The following KCTD15 variants were observed in gnomAD, a reference collection of about 807,000 sequenced individuals.
The protein encoded by KCTD15 is BTB/POZ domain-containing protein KCTD15.
A neutral mutation model predicts 27.2 loss-of-function variants in KCTD15; 11 were observed. The observed-to-expected ratio is 0.41, with a 90% CI of 0.25 to 0.67. KCTD15 has a LOEUF of 0.67. Among genes scored for constraint, KCTD15 ranks in the 30% least tolerant of loss-of-function variants. KCTD15 has a pLI of 0.35. For synonymous variants in KCTD15, 163 were observed against 176.0 expected, an observed-to-expected ratio of 0.93 and a Z score of 0.58; for missense variants, 350 against 409.3, an observed-to-expected ratio of 0.86 and a Z score of 1.25.
chr19:33,813,502 C>T lies in KCTD15; in HGVS notation c.*554C>T, dbSNP rs920864209. On this transcript the variant is annotated 3_prime_UTR_variant, in exon 7 of 7. Coordinates refer to ENST00000683859, the MANE Select transcript of KCTD15 (RefSeq NM_001129994.2). Reference sequence around the variant, plus strand: ...GGACCAGCTGCCTGGCATTCAGGCCCAGATGCCTGCAGGGCTGGGGCTCTC... The same window carrying T: ...GGACCAGCTGCCTGGCATTCAGGCCTAGATGCCTGCAGGGCTGGGGCTCTC... 4 of 425,148 alleles carry T rather than the reference C, an allele frequency of 9.4e-6. No homozygotes were observed. Among genetic ancestry groups the T allele is most frequent in the Non-Finnish European group, 1.9e-5 (4 of 212,636 alleles). 26.3% of individuals were successfully genotyped at this position (425,148 alleles called of 1,614,324 possible). A position where few individuals can be genotyped will look rare whatever the true frequency, so the allele number is the denominator to read the frequency against.
At chr19:33,796,316 A>G (rs906143362), upstream of KCTD15, 7 of 149,208 alleles carry the variant, frequency 4.7e-5, no homozygotes, top group Non-Finnish European at 8.9e-5. Flanking sequence ...GCCTGGGCGC[A>G]CCGCTCCCGG....
chr19:33,802,416 T>C (rs1052137466), intron 4 of KCTD15, among the ~76,000 whole-genome samples: 1 of 152,292 alleles, frequency 6.6e-6, no homozygotes, highest in African/African-American at 2.4e-5. Flanking sequence ...AGGATGGTAG[T>C]GCGCAGAGGT....
At position 33,808,693 on chromosome 19, in the gene KCTD15, G is replaced by A. The variant is rs143884203; in HGVS notation, c.387+1686G>A. ...GCAAATTGGGAAGATCTCTCTGGCT[G>A]TTGGGTGGGGAAGAAGGCAGAGAGG... On this transcript the variant is annotated intron_variant, in intron 5 of 6. Coordinates refer to ENST00000683859, the MANE Select transcript of KCTD15 (RefSeq NM_001129994.2). Among the ~76,000 whole-genome samples, 906 of 150,434 alleles carry A rather than the reference G, an allele frequency of 6.0e-3. 4 individuals are homozygous for A. Among genetic ancestry groups the A allele is most frequent in the Middle Eastern group, 0.021 (6 of 290 alleles).
At chr19:33,811,178 C>CCCCACAA in intron 5 of KCTD15, 69 bp from the exon 6 acceptor site, 2 of 590,254 alleles carry the variant, frequency 3.4e-6, no homozygotes, top group Non-Finnish European at 2.7e-6. Flanking sequence ...CAGGCCGCCT[C>CCCCACAA]CCCTCTCCCC....
chr19:33,797,954 G>T (rs1429692825), intron 1 of KCTD15, among the ~76,000 whole-genome samples: 2 of 152,060 alleles, frequency 1.3e-5, no homozygotes, highest in Non-Finnish European at 2.9e-5. Context: ...CGCCTCCGCG[G>T]CAACCCCTCC....
At chr19:33,800,368 C>T (rs1599670418) in intron 2 of KCTD15, 60 bp from the exon 3 acceptor site, 4 of 1,353,178 alleles carry the variant, frequency 3.0e-6, no homozygotes, top group East Asian at 2.5e-5. Context: ...GTGTCTTTGA[C>T]CCCATGGTAC....
rs535246703 is a variant in KCTD15, at chr19:33,815,124, G to A, written c.*2176G>A. ...TGATATAACAGCCAGCATGGTTACC[G>A]AGTGGTAGAGATTCTCGAACATTCT... On this transcript the variant is annotated 3_prime_UTR_variant, in exon 7 of 7. Coordinates refer to ENST00000683859, the MANE Select transcript of KCTD15 (RefSeq NM_001129994.2). 1.2e-4 allele frequency: 18 copies of A among 152,312 alleles called. No individual in the cohort carries two copies. The highest frequency in any genetic ancestry group is 4.1e-4 in the African/African-American group (17 of 41,558). The allele number at this position is 152,312 out of a possible 1,614,324, so 9.4% of individuals were successfully genotyped here.
upstream of KCTD15, chr19:33,795,921 G>T (rs778082424): frequency 1.3e-5 from 2 of 151,884 alleles, no homozygotes; most frequent in Non-Finnish European, 2.9e-5. Context: ...GACGTCACGG[G>T]AGAGGGGCAG....
upstream of KCTD15, among the ~76,000 whole-genome samples, chr19:33,794,893 A>G (rs866164253): frequency 6.6e-6 from 1 of 152,238 alleles, no homozygotes; most frequent in Non-Finnish European, 1.5e-5. Context: ...GGGCCTGGCC[A>G]GCGTGCCGAA....
At chr19:33,803,699 C>T (rs1236807879) in intron 4 of KCTD15, among the ~76,000 whole-genome samples, 1 of 152,034 alleles carries the variant, frequency 6.6e-6, no homozygotes, top group East Asian at 1.9e-4. Flanking sequence ...TGGTGTCCTG[C>T]CTGCTTGACC....
intron 4 of KCTD15, among the ~76,000 whole-genome samples, chr19:33,804,181 C>T (rs1357736363): frequency 1.3e-5 from 2 of 152,228 alleles, no homozygotes; most frequent in Non-Finnish European, 2.9e-5. Context: ...CAGCCTCAGA[C>T]GCTGAGGGCA....
chr19:33,801,208 T>C lies in KCTD15; in HGVS notation c.108T>C (p.Pro36=). Residue 36 remains proline (P), a synonymous_variant, in exon 4 of 7, where the codon CCT becomes CCC. Transcript: ENST00000683859. The part of the protein sequence containing the change: ...NMSRLSLTRS[P]VSPLAAQGIP... ...CCCGGCTGTCTCTCACCCGGTCGCC[T>C]GTGTCTCCCCTGGCTGCCCAGGGCA... The C allele has an allele frequency of 1.2e-6, 2 of 1,612,312 alleles. No homozygotes were observed. The highest frequency in any genetic ancestry group is 8.5e-7 in the Non-Finnish European group (1 of 1,179,152).
At chr19:33,796,828 G>A (rs1450419716), upstream of KCTD15, 1 of 139,518 alleles carries the variant, frequency 7.2e-6, no homozygotes, top group Non-Finnish European at 1.6e-5. Flanking sequence ...GGCGGGAGGG[G>A]TGGGTGGGGG....
intron 3 of KCTD15, among the ~76,000 whole-genome samples, chr19:33,800,753 T>C (rs1338797822): frequency 6.6e-6 from 1 of 152,216 alleles, no homozygotes; most frequent in African/African-American, 2.4e-5. Flanking sequence ...TAGAGGTGTC[T>C]CGTTACTGAG....
rs141966235 is a variant in KCTD15, at chr19:33,812,897, G to T, written c.801G>T (p.Arg267=). ...ATGTGCTTTGCCGGGAGGAGCGGCG[G>T]CCGCAGCCCACCCCCACTGCTGTTC... ...SEYVLCREER[R]PQPTPTAVRI... is the part of the protein sequence containing the mutation. Residue 267 remains arginine, a synonymous_variant, in exon 7 of 7, where the codon CGG becomes CGT. Coordinates refer to ENST00000683859, the MANE Select transcript of KCTD15 (RefSeq NM_001129994.2). 8.4e-6 allele frequency: 13 copies of T among 1,549,830 alleles called. No homozygotes were observed. Among genetic ancestry groups the T allele is most frequent in the Non-Finnish European group, 1.1e-5 (13 of 1,146,572 alleles).
At position 33,797,066 on chromosome 19, in the gene KCTD15, C is replaced by G. The variant is rs982671104; in HGVS notation, c.-127+79C>G. ...TGGCTGCGATACCGAGAAAGTCGCCCGGCCAGGGTCTGGACCTGGGCGGGG... is the reference window on the plus strand; with the variant it reads ...TGGCTGCGATACCGAGAAAGTCGCCGGGCCAGGGTCTGGACCTGGGCGGGG... On this transcript the variant is annotated intron_variant, in intron 1 of 6. Transcript: ENST00000683859. 5.8e-5 allele frequency: 9 copies of G among 154,490 alleles called. 1 individual carries two copies. The South Asian group carries it at 9.2e-4, about 16-fold the overall frequency. The allele number at this position is 154,490 out of a possible 1,614,324, so 9.6% of individuals were successfully genotyped here.
At chr19:33,807,033 T>G in intron 5 of KCTD15, 26 bp downstream of exon 5, 1 of 1,610,228 alleles carries the variant, frequency 6.2e-7, no homozygotes, top group South Asian at 1.1e-5. Context: ...GTGGCCCCCC[T>G]GCACTGCCTG....
chr19:33,805,065 A>G (rs1975671409), intron 4 of KCTD15, among the ~76,000 whole-genome samples: 2 of 152,070 alleles, frequency 1.3e-5, no homozygotes, highest in South Asian at 4.1e-4. Context: ...GTGGACTACA[A>G]GTGCATGCCA....
chr19:33,804,025 C>T (rs1975640799), intron 4 of KCTD15, among the ~76,000 whole-genome samples: 1 of 150,630 alleles, frequency 6.6e-6, no homozygotes, highest in African/African-American at 2.5e-5. Flanking sequence ...CCTGCATCCT[C>T]TCTCAGAGGG....
Sources: allele counts gnomAD v4.1 joint callset (sites outside exome capture counted in the v4.1 genomes callset), GRCh38; gene constraint gnomAD v4.1.1; transcripts MANE v1.5; gene names NCBI Gene and HGNC (gene_info 2026-07-23, HGNC 2026-07-21).